TUSC3: variants seen among roughly 807,000 people sequenced by gnomAD.
TUSC3 encodes dolichyl-diphosphooligosaccharide--protein glycosyltransferase subunit TUSC3.
In TUSC3, 45 loss-of-function variants were observed where a neutral mutation model predicts 44.8. The ratio of observed to expected loss-of-function variants is 1.00; its 90% CI spans 0.79 to 1.29. TUSC3 has a LOEUF of 1.29. Ranked by LOEUF, TUSC3 falls within the 50% of genes most tolerant of loss-of-function variation. The pLI is 0.00. For missense variants in TUSC3, 519 were observed against 437.9 expected, an observed-to-expected ratio of 1.19 and a Z score of -1.65; for synonymous variants, 212 against 152.9, an observed-to-expected ratio of 1.39 and a Z score of -2.85.
chr8:15,758,433 G>A (rs988887074), intron 10 of TUSC3, among the ~76,000 whole-genome samples: 1 of 151,456 alleles, frequency 6.6e-6, no homozygotes, highest in African/African-American at 2.4e-5. Flanking sequence ...AAAATTGACA[G>A]TAATTTTTTG....
rs1800801214 is a variant in TUSC3, at chr8:15,491,017, C to T, written n.189+7534C>T. Reference sequence around the variant, plus strand: ...GAAAAGAGAGGACATACGGTTGCTTCCTTTTGAGTTTCTGATCAGCGTTCA... The same window carrying T: ...GAAAAGAGAGGACATACGGTTGCTTTCTTTTGAGTTTCTGATCAGCGTTCA... On this transcript the variant is annotated intron_variant and non_coding_transcript_variant, in intron 2 of 5. Transcript: ENST00000503191. 1.3e-5 allele frequency among the ~76,000 whole-genome samples: 2 copies of T among 152,182 alleles called. 1 individual carries two copies. Among genetic ancestry groups the T allele is most frequent in the South Asian group, 4.1e-4 (2 of 4,826 alleles).
intron 2 of TUSC3, among the ~76,000 whole-genome samples, chr8:15,508,835 G>A (rs1271098267): frequency 6.6e-6 from 1 of 152,116 alleles, no homozygotes; most frequent in Non-Finnish European, 1.5e-5. Context: ...AGTGTATTGA[G>A]CTTACTCTGC....
chr8:15,626,288 G>T (rs1265377258), intron 2 of TUSC3, among the ~76,000 whole-genome samples: 1 of 152,172 alleles, frequency 6.6e-6, no homozygotes, highest in Non-Finnish European at 1.5e-5. Flanking sequence ...AGCTATGGGG[G>T]CCACTGCAGT....
intron 1 of TUSC3, among the ~76,000 whole-genome samples, chr8:15,564,908 G>C (rs373742675): frequency 6.6e-6 from 1 of 152,132 alleles, no homozygotes; most frequent in Non-Finnish European, 1.5e-5. Flanking sequence ...GAGAAGGAGA[G>C]AGGCCACTGT....
chr8:15,511,868 C>A (rs1195867050), intron 2 of TUSC3, among the ~76,000 whole-genome samples: 4 of 147,732 alleles, frequency 2.7e-5, no homozygotes, highest in Non-Finnish European at 4.5e-5. Flanking sequence ...AAGACAGTCT[C>A]AAAAAAAAAA....
the TUSC3 span, among the ~76,000 whole-genome samples, chr8:15,811,605 A>T: frequency 6.6e-6 from 1 of 152,228 alleles, no homozygotes; most frequent in Non-Finnish European, 1.5e-5. Flanking sequence ...GAAGCAAGTG[A>T]AAGGCAAAGA....
At chr8:15,774,103 G>A in the TUSC3 span, among the ~76,000 whole-genome samples, 6 of 152,022 alleles carry the variant, frequency 3.9e-5, no homozygotes, top group Non-Finnish European at 8.8e-5. Context: ...AATTACCCAT[G>A]GTAATAGAGA....
chr8:15,653,098 A>G (rs1340590877), intron 3 of TUSC3, among the ~76,000 whole-genome samples: 2 of 152,198 alleles, frequency 1.3e-5, no homozygotes, highest in Admixed American at 6.5e-5. Context: ...TTTTCAAAAT[A>G]CTTTTATTTC....
intron 6 of TUSC3, among the ~76,000 whole-genome samples, chr8:15,707,126 A>G (rs552514104): frequency 6.6e-6 from 1 of 152,024 alleles, no homozygotes; most frequent in African/African-American, 2.4e-5. Context: ...AAACTAACCT[A>G]ATTTTATATC....
intron 1 of TUSC3, among the ~76,000 whole-genome samples, chr8:15,431,861 A>G: frequency 4.9e-5 from 2 of 41,132 alleles, no homozygotes; most frequent in Admixed American, 1.1e-3. Context: ...ATGTTCAGCC[A>G]CTGTTAAGAA....
At chr8:15,420,831 C>G (rs756168182) in intron 1 of TUSC3, among the ~76,000 whole-genome samples, 3 of 152,090 alleles carry the variant, frequency 2.0e-5, no homozygotes, top group Non-Finnish European at 4.4e-5. Flanking sequence ...TCATAGGTCA[C>G]TTGTTCTCAG....
At chr8:15,595,034 G>A (rs762839326) in intron 1 of TUSC3, among the ~76,000 whole-genome samples, 15 of 152,108 alleles carry the variant, frequency 9.9e-5, no homozygotes, top group African/African-American at 3.6e-4. Flanking sequence ...AGGACATCCT[G>A]TTTCTAAGGG....
chr8:15,531,946 T>C (rs905739376), intron 2 of TUSC3, among the ~76,000 whole-genome samples: 2 of 152,194 alleles, frequency 1.3e-5, no homozygotes, highest in Non-Finnish European at 2.9e-5. Flanking sequence ...GTCTTGTCTA[T>C]AAAAGAAATT....
At chr8:15,845,401 T>C in the TUSC3 span, among the ~76,000 whole-genome samples, 2 of 152,096 alleles carry the variant, frequency 1.3e-5, no homozygotes, top group African/African-American at 4.8e-5. Context: ...GTATGAAAAT[T>C]TGTATTAACA....
chr8:15,422,626 G>A (rs1177332088), intron 1 of TUSC3, among the ~76,000 whole-genome samples: 3 of 152,088 alleles, frequency 2.0e-5, no homozygotes, highest in African/African-American at 7.2e-5. Context: ...AATGCATCTA[G>A]TTTTTGGTTG....
chr8:15,787,338 C>T, the TUSC3 span, among the ~76,000 whole-genome samples: 1 of 152,060 alleles, frequency 6.6e-6, no homozygotes, highest in Non-Finnish European at 1.5e-5. Context: ...AGAATCAATC[C>T]TTGACAATAA....
chr8:15,824,111 G>A, the TUSC3 span, among the ~76,000 whole-genome samples: 1 of 152,204 alleles, frequency 6.6e-6, no homozygotes, highest in East Asian at 1.9e-4. Flanking sequence ...ATGAGGCCCA[G>A]TAAGTGCAGA....
rs578220590 is a variant in TUSC3 at position 15,598,525 on chromosome 8, G to T, written c.139-24555G>T. Among the ~76,000 whole-genome samples, 3 of 151,720 alleles carry T rather than the reference G, an allele frequency of 2.0e-5. No homozygotes were observed. The East Asian group carries it at 5.8e-4, about 29-fold the overall frequency. On this transcript the variant is annotated intron_variant, in intron 1 of 10. Coordinates refer to ENST00000503731, the MANE Select transcript of TUSC3 (RefSeq NM_006765.4). Reference sequence around the variant, plus strand: ...TCATTCTTGGTGTTGTATATTCTGTGGGTTAGGGTAAATGTTTAATGAAAT... The same window carrying T: ...TCATTCTTGGTGTTGTATATTCTGTTGGTTAGGGTAAATGTTTAATGAAAT...
intron 1 of TUSC3, among the ~76,000 whole-genome samples, chr8:15,618,803 C>T (rs1188462882): frequency 6.6e-6 from 1 of 152,214 alleles, no homozygotes; most frequent in Non-Finnish European, 1.5e-5. Context: ...TTTGTTTACA[C>T]CAGCATCACC....
Sources: gnomAD v4.1 joint callset for allele counts (sites outside exome capture counted in the v4.1 genomes callset) on GRCh38, gnomAD v4.1.1 for gene constraint, MANE v1.5 for transcripts, NCBI Gene and HGNC (gene_info 2026-07-23, HGNC 2026-07-21) for gene names.